Variants in OPHN1 observed in about 807,000 individuals in gnomAD.
The protein encoded by OPHN1 is oligophrenin 1, also known as oligophrenin-1.
Under a neutral mutation model 60.7 loss-of-function variants are expected in OPHN1, and 11 were observed. The ratio of observed to expected loss-of-function variants is 0.18; its 90% confidence interval spans 0.11 to 0.30. The LOEUF is 0.30. Among genes scored for constraint, OPHN1 ranks in the 10% least tolerant of loss-of-function variants. The pLI, the probability that OPHN1 is intolerant of heterozygous loss-of-function variation, is 1.00. For missense variants in OPHN1, 449 were observed against 611.0 expected (o/e 0.73, Z 2.80); for synonymous variants, 226 against 222.6 (o/e 1.02, Z -0.14).
intron 2 of OPHN1, among the ~76,000 whole-genome samples, chrX:68,427,947 A>G (rs1188505827): frequency 9.0e-6 from 1 of 111,540 alleles, no homozygotes; most frequent in Non-Finnish European, 1.9e-5. Context: ...CCTGGCCAAC[A>G]TGGTGAAATC....
chrX:68,052,492 G>A, intron 23 of OPHN1, 48 bp downstream of exon 23: 1 of 1,096,736 alleles, frequency 9.1e-7, no homozygotes, highest in Admixed American at 2.4e-5. Context: ...TAAGGATGCA[G>A]TTATTAAAAG....
At chrX:68,245,346 A>C (rs1176464130) in intron 5 of OPHN1, among the ~76,000 whole-genome samples, 1 of 112,042 alleles carries the variant, frequency 8.9e-6, no homozygotes, top group African/African-American at 3.2e-5. Context: ...CCAGATTACT[A>C]TATGTTCCCC....
At chrX:68,169,820 TAAAAACCCTAGAA>T (rs1292478625) in intron 15 of OPHN1, among the ~76,000 whole-genome samples, 1 of 102,678 alleles carries the variant, frequency 9.7e-6, no homozygotes, top group Admixed American at 1.0e-4. Context: ...CCTAAAACCA[TAAAAACCCTAGAA>T]GAAAACCTAG....
chrX:68,324,941 C>T (rs7892658), intron 2 of OPHN1, among the ~76,000 whole-genome samples: 8,655 of 109,338 alleles, frequency 0.079, 903 homozygotes, highest in African/African-American at 0.28. Flanking sequence ...GTCCCAGCTA[C>T]GCGGGAGGCT....
At chrX:68,170,650 A>T (rs959525498) in intron 15 of OPHN1, among the ~76,000 whole-genome samples, 3 of 109,213 alleles carry the variant, frequency 2.7e-5, no homozygotes, top group Non-Finnish European at 5.7e-5. Context: ...ATGAAATTGG[A>T]AATCATCATT....
At chrX:68,431,616 CAG>C (rs1025483931) in intron 2 of OPHN1, among the ~76,000 whole-genome samples, 1 of 101,701 alleles carries the variant, frequency 9.8e-6, no homozygotes, top group African/African-American at 3.6e-5. Context: ...TTAGTAGAGA[CAG>C]GGTTTCACCA....
At chrX:68,390,824 T>C (rs777705920) in intron 2 of OPHN1, among the ~76,000 whole-genome samples, 3 of 111,917 alleles carry the variant, frequency 2.7e-5, no homozygotes, top group Admixed American at 1.9e-4. Context: ...ATTAAAGACA[T>C]AGTATTAATT....
intron 19 of OPHN1, among the ~76,000 whole-genome samples, chrX:68,088,826 T>A (rs937439673): frequency 4.5e-5 from 5 of 110,673 alleles, no homozygotes; most frequent in Admixed American, 1.9e-4. Flanking sequence ...TAAACTGGCT[T>A]GTTTAGATGA....
chrX:68,244,867 G>A (rs944703856), intron 5 of OPHN1, among the ~76,000 whole-genome samples: 2 of 111,052 alleles, frequency 1.8e-5, no homozygotes, highest in Admixed American at 1.9e-4. Context: ...CTCAGAAAAC[G>A]AACTGTTCCA....
At chrX:68,198,141 T>C (rs2077520405) in intron 11 of OPHN1, among the ~76,000 whole-genome samples, 1 of 111,674 alleles carries the variant, frequency 9.0e-6, no homozygotes, top group Non-Finnish European at 1.9e-5. Flanking sequence ...AATTCATAGG[T>C]TGAAAGTTAA....
intron 2 of OPHN1, among the ~76,000 whole-genome samples, chrX:68,388,441 T>C (rs185931441): frequency 2.0e-5 from 2 of 101,473 alleles, no homozygotes; most frequent in East Asian, 3.1e-4. Flanking sequence ...GACTGGGTGA[T>C]AGAGGGAGAC....
intron 21 of OPHN1, among the ~76,000 whole-genome samples, chrX:68,055,876 T>C (rs891871832): frequency 9.0e-6 from 1 of 111,026 alleles, no homozygotes; most frequent in Non-Finnish European, 1.9e-5. Flanking sequence ...CACCGCACGT[T>C]CTCACTCATA....
At chrX:68,265,869 T>A (rs991365729) in intron 5 of OPHN1, among the ~76,000 whole-genome samples, 28 of 111,541 alleles carry the variant, frequency 2.5e-4, no homozygotes, top group African/African-American at 8.5e-4. Context: ...GCACAAGAAC[T>A]ACATGATGAA....
At chrX:68,412,661 C>A (rs1303742219) in intron 2 of OPHN1, among the ~76,000 whole-genome samples, 1 of 111,580 alleles carries the variant, frequency 9.0e-6, no homozygotes, top group Non-Finnish European at 1.9e-5. Context: ...TATTTTATCA[C>A]AATTTAAAAC....
intron 2 of OPHN1, among the ~76,000 whole-genome samples, chrX:68,348,365 G>A (rs2078389316): frequency 1.8e-5 from 2 of 110,969 alleles, no homozygotes; most frequent in Admixed American, 9.8e-5. Flanking sequence ...TGGAAGATGG[G>A]GAGGAAAGAG....
At chrX:68,355,889 T>G (rs2078437520) in intron 2 of OPHN1, among the ~76,000 whole-genome samples, 1 of 110,344 alleles carries the variant, frequency 9.1e-6, no homozygotes, top group Non-Finnish European at 1.9e-5. Context: ...AATAAATAAA[T>G]AAAAGAATTA....
chrX:68,378,444 C>G (rs2078573813), intron 2 of OPHN1, among the ~76,000 whole-genome samples: 1 of 111,537 alleles, frequency 9.0e-6, no homozygotes, highest in African/African-American at 3.3e-5. Flanking sequence ...AATTAGATCC[C>G]ATTGGTCAAA....
intron 3 of OPHN1, among the ~76,000 whole-genome samples, chrX:68,294,202 G>A (rs1343201201): frequency 9.0e-6 from 1 of 110,529 alleles, no homozygotes; most frequent in Non-Finnish European, 1.9e-5. Flanking sequence ...CGGGTGCAGT[G>A]GTTCACGCCT....
intron 5 of OPHN1, among the ~76,000 whole-genome samples, chrX:68,269,437 A>G (rs1202465968): frequency 4.5e-5 from 5 of 111,559 alleles, no homozygotes; most frequent in Non-Finnish European, 9.4e-5. Context: ...AATGCCACAT[A>G]TATACAACCA....
Sources: gnomAD v4.1 joint callset for allele counts (sites outside exome capture counted in the v4.1 genomes callset) on GRCh38, gnomAD v4.1.1 for gene constraint, MANE v1.5 for transcripts, NCBI Gene and HGNC (gene_info 2026-07-23, HGNC 2026-07-21) for gene names.